Variants in LRP1B observed in about 807,000 individuals in gnomAD.
LRP1B encodes LDL receptor related protein 1B, also known as low-density lipoprotein receptor-related protein 1B.
LRP1B carries 217 observed loss-of-function variants against 556.6 expected under a neutral mutation model. That is an observed-to-expected ratio of 0.39 (90% CI 0.35 to 0.44). The LOEUF (loss-of-function observed/expected upper bound fraction) is 0.44, where lower values mean the gene tolerates loss of function less well. Among genes scored for constraint, LRP1B ranks in the 20% least tolerant of loss-of-function variants. The pLI is 1.00. For missense variants in LRP1B, 5,053 were observed against 5,620.8 expected (o/e 0.90, Z 3.23); for synonymous variants, 2,047 against 1,865.8 (o/e 1.10, Z -2.50).
chr2:140,779,694 C>CAAAA (rs34083447), intron 32 of LRP1B, among the ~76,000 whole-genome samples: 1 of 66,890 alleles, frequency 1.5e-5, no homozygotes, highest in East Asian at 4.6e-4. Context: ...GACTCTGTCT[C>CAAAA]AAAAAAAAAA....
chr2:141,273,891 T>C (rs1685184055), intron 3 of LRP1B, among the ~76,000 whole-genome samples: 1 of 152,124 alleles, frequency 6.6e-6, no homozygotes, highest in South Asian at 2.1e-4. Context: ...GGAAACCCAA[T>C]ATAAAAACAA....
intron 3 of LRP1B, among the ~76,000 whole-genome samples, chr2:141,371,170 G>C (rs981037879): frequency 6.6e-6 from 1 of 152,042 alleles, no homozygotes; most frequent in African/African-American, 2.4e-5. Context: ...TTTTAGTAGA[G>C]ACCATGTTCA....
At chr2:140,845,409 A>G (rs1692244323) in intron 29 of LRP1B, among the ~76,000 whole-genome samples, 1 of 152,172 alleles carries the variant, frequency 6.6e-6, no homozygotes, top group Non-Finnish European at 1.5e-5. Context: ...TTTTCTCTCC[A>G]TCAATAAAAA....
intron 86 of LRP1B, chr2:140,269,309 C>T: frequency 2.1e-6 from 1 of 471,030 alleles, no homozygotes. Context: ...TGCAAATCCC[C>T]TCATTCTGAC....
intron 2 of LRP1B, among the ~76,000 whole-genome samples, chr2:141,547,883 T>C (rs1266085155): frequency 6.6e-6 from 1 of 150,990 alleles, no homozygotes; most frequent in Non-Finnish European, 1.5e-5. Flanking sequence ...AAATGGAATG[T>C]TGTATCTTCA....
At chr2:141,688,032 G>A (rs1691374854) in intron 2 of LRP1B, among the ~76,000 whole-genome samples, 1 of 149,154 alleles carries the variant, frequency 6.7e-6, no homozygotes, top group African/African-American at 2.5e-5. Context: ...CTCTTAAAAT[G>A]TTCTGCGTAC....
intron 27 of LRP1B, among the ~76,000 whole-genome samples, chr2:140,864,804 C>G (rs1186690884): frequency 6.6e-6 from 1 of 151,898 alleles, no homozygotes; most frequent in African/African-American, 2.4e-5. Context: ...TCAACGTTTA[C>G]AAGATCCTAT....
intron 3 of LRP1B, among the ~76,000 whole-genome samples, chr2:141,413,413 C>G (rs2104946934): frequency 6.6e-6 from 1 of 152,146 alleles, no homozygotes. Flanking sequence ...GGCCATGAGC[C>G]AAGCAATGTG....
At chr2:141,250,904 C>A (rs190060902) in intron 4 of LRP1B, among the ~76,000 whole-genome samples, 1 of 152,058 alleles carries the variant, frequency 6.6e-6, no homozygotes, top group Non-Finnish European at 1.5e-5. Flanking sequence ...AAATCCCCAG[C>A]GGAGGGGTAA....
At chr2:140,797,790 G>T (rs1690370011) in intron 32 of LRP1B, among the ~76,000 whole-genome samples, 1 of 151,878 alleles carries the variant, frequency 6.6e-6, no homozygotes, top group Admixed American at 6.6e-5. Context: ...TATACCTAAG[G>T]CACTTAAAAA....
In LRP1B at chr2:140,905,478, CT is replaced by C. The variant is rs558623602; in HGVS notation, c.3521-2314del. Among the ~76,000 whole-genome samples the C allele has an allele frequency of 3.9e-5, 6 of 152,190 alleles. No individual in the cohort carries two copies. In the East Asian group the frequency reaches 1.2e-3, roughly 29 times the overall value. On this transcript the variant is annotated intron_variant, in intron 22 of 90. Coordinates refer to ENST00000389484, the MANE Select transcript of LRP1B (RefSeq NM_018557.3). ...TAAATCTTCTACTACCCAGAACTAC[CT>C]TCTAAGGAGCTGAGAGCGTTCTCTT...
At chr2:140,755,475 T>C (rs910334449) in intron 35 of LRP1B, among the ~76,000 whole-genome samples, 10 of 151,996 alleles carry the variant, frequency 6.6e-5, no homozygotes, top group Non-Finnish European at 2.9e-5. Context: ...CATGACCAGA[T>C]GGCATTTATT....
chr2:141,304,670 T>A lies in LRP1B; in HGVS notation c.344-50029A>T, dbSNP rs372088744. On this transcript the variant is annotated intron_variant, in intron 3 of 90. Transcript: ENST00000389484. ...ATTGTTTTTTTCTATATATATATAT[T>A]TTTTATTTTTAGTAGAGATGGGGTT... Among the ~76,000 whole-genome samples the A allele has an allele frequency of 9.1e-4, 138 of 151,218 alleles. 3 individuals carry two copies. The South Asian group carries it at 0.017, about 19-fold the overall frequency.
chr2:140,915,351 C>T (rs1694542899), intron 21 of LRP1B, among the ~76,000 whole-genome samples: 1 of 151,872 alleles, frequency 6.6e-6, no homozygotes, highest in Admixed American at 6.6e-5. Context: ...GCCACAGGAT[C>T]AATATCTAAA....
At chr2:141,213,299 A>G (rs1467458254) in intron 6 of LRP1B, among the ~76,000 whole-genome samples, 3 of 152,116 alleles carry the variant, frequency 2.0e-5, no homozygotes, top group Admixed American at 1.3e-4. Flanking sequence ...CGATACATAC[A>G]TTTAATAAAG....
chr2:140,847,337 TA>T (rs996813905), intron 29 of LRP1B, among the ~76,000 whole-genome samples: 1 of 152,214 alleles, frequency 6.6e-6, no homozygotes, highest in African/African-American at 2.4e-5. Flanking sequence ...ACATAAACAT[TA>T]AAAACTTATC....
chr2:141,013,797 A>T (rs1697823913), intron 13 of LRP1B, 52 bp from the exon 14 acceptor site: 1 of 1,065,692 alleles, frequency 9.4e-7, no homozygotes, highest in Non-Finnish European at 1.3e-6. Flanking sequence ...TTAGAAACAT[A>T]ACTAGATATT....
chr2:141,185,299 C>A (rs1681192065), intron 7 of LRP1B, among the ~76,000 whole-genome samples: 2 of 152,010 alleles, frequency 1.3e-5, no homozygotes, highest in South Asian at 4.1e-4. Context: ...ACTCCAGCAT[C>A]AAGTTCATAA....
chr2:141,638,860 CATATATATAT>C (rs144725766), intron 2 of LRP1B, among the ~76,000 whole-genome samples: 1 of 53,340 alleles, frequency 1.9e-5, no homozygotes, highest in Non-Finnish European at 4.3e-5. Context: ...GTAAGGTAGC[CATATATATAT>C]ATATATATAT....
Sources: allele counts gnomAD v4.1 joint callset (sites outside exome capture counted in the v4.1 genomes callset), GRCh38; gene constraint gnomAD v4.1.1; transcripts MANE v1.5; gene names NCBI Gene and HGNC (gene_info 2026-07-23, HGNC 2026-07-21).